The following ERO1A variants were observed in gnomAD, a reference collection of about 807,000 sequenced individuals.
ERO1A encodes the protein endoplasmic reticulum oxidoreductase 1 alpha.
A neutral mutation model predicts 76.9 loss-of-function variants in ERO1A; 49 were observed. That is an observed-to-expected ratio of 0.64 (90% CI 0.51 to 0.81). The LOEUF (loss-of-function observed/expected upper bound fraction) is 0.81, where lower values mean the gene tolerates loss of function less well. Ranked by LOEUF, ERO1A falls within the 30% of genes least tolerant of loss-of-function variation. The pLI, the probability that ERO1A is intolerant of heterozygous loss-of-function variation, is 0.00. For missense variants in ERO1A, 448 were observed against 542.1 expected (o/e 0.83, Z 1.72); for synonymous variants, 174 against 181.2 (o/e 0.96, Z 0.32).
intron 15 of ERO1A, among the ~76,000 whole-genome samples, chr14:52,645,503 G>T (rs2039619241): frequency 6.6e-6 from 1 of 151,384 alleles, no homozygotes; most frequent in Admixed American, 6.6e-5. Flanking sequence ...GGCCAGGCTG[G>T]TCTTGAACTC....
chr14:52,689,723 C>G (rs193269634), intron 1 of ERO1A, among the ~76,000 whole-genome samples: 1 of 152,120 alleles, frequency 6.6e-6, no homozygotes, highest in Admixed American at 6.5e-5. Flanking sequence ...AAGTGTTCTG[C>G]AGATTCAATG....
intron 6 of ERO1A, among the ~76,000 whole-genome samples, chr14:52,667,335 T>TG (rs1310507005): frequency 6.6e-6 from 1 of 152,244 alleles, no homozygotes; most frequent in Admixed American, 6.5e-5. Context: ...AGCCAGAGCA[T>TG]GGGCTCTGGA....
intron 13 of ERO1A, among the ~76,000 whole-genome samples, chr14:52,651,915 C>G (rs1024312876): frequency 6.6e-6 from 1 of 151,948 alleles, no homozygotes; most frequent in African/African-American, 2.4e-5. Flanking sequence ...AACTTTGTAC[C>G]CATGGATCAA....
intron 11 of ERO1A, among the ~76,000 whole-genome samples, chr14:52,657,248 G>A (rs1376319341): frequency 6.6e-6 from 1 of 152,136 alleles, no homozygotes; most frequent in East Asian, 1.9e-4. Context: ...TGCTACTCTG[G>A]GCACACTGCC....
chr14:52,693,244 C>T (rs574787317), intron 1 of ERO1A, among the ~76,000 whole-genome samples: 2 of 152,134 alleles, frequency 1.3e-5, no homozygotes, highest in Admixed American at 1.3e-4. Context: ...GAAAGGCAGA[C>T]CCACCCTTAA....
chr14:52,650,210 C>T lies in ERO1A; in HGVS notation c.1125+2029G>A, dbSNP rs138433717. 2.7e-4 allele frequency among the ~76,000 whole-genome samples: 41 copies of T among 151,814 alleles called. No homozygotes were observed. The East Asian group carries it at 7.0e-3, about 26-fold the overall frequency. On this transcript the variant is annotated intron_variant, in intron 13 of 15. Coordinates refer to ENST00000395686, the MANE Select transcript of ERO1A (RefSeq NM_014584.3). ...CTTCAACTCTGGTGATAAAATAAGACTTTATCTCTTAAAAAAACAAAAATA... is the reference window on the plus strand; with the variant it reads ...CTTCAACTCTGGTGATAAAATAAGATTTTATCTCTTAAAAAAACAAAAATA...
intron 13 of ERO1A, chr14:52,647,142 A>ATTTTTTTTTTTTTTTTT (rs58456682): frequency 3.2e-5 from 2 of 62,204 alleles, no homozygotes; most frequent in African/African-American, 1.3e-4. Flanking sequence ...CGCCCAGCTA[A>ATTTTTTTTTTTTTTTTT]TTTTTTTTTT....
intron 7 of ERO1A, among the ~76,000 whole-genome samples, chr14:52,664,405 T>C (rs918188276): frequency 2.0e-5 from 3 of 152,146 alleles, no homozygotes; most frequent in Non-Finnish European, 4.4e-5. Flanking sequence ...ACTATGTCAT[T>C]AAAGTGCTTT....
chr14:52,650,599 T>C (rs1251569838), intron 13 of ERO1A, among the ~76,000 whole-genome samples: 1 of 152,086 alleles, frequency 6.6e-6, no homozygotes, highest in Non-Finnish European at 1.5e-5. Flanking sequence ...TATATATATG[T>C]ATGTATATAT....
At chr14:52,671,606 T>C in intron 6 of ERO1A, 24 bp downstream of exon 6, 2 of 1,534,364 alleles carry the variant, frequency 1.3e-6, no homozygotes, top group Non-Finnish European at 1.8e-6. Flanking sequence ...TTAAACACAA[T>C]GCATACTATC....
chr14:52,687,631 C>T (rs766380565), intron 1 of ERO1A, among the ~76,000 whole-genome samples: 7 of 152,092 alleles, frequency 4.6e-5, no homozygotes, highest in East Asian at 1.9e-4. Flanking sequence ...TGGAACAATG[C>T]GGGTAAGGGG....
At chr14:52,680,232 T>C (rs1442786252) in intron 3 of ERO1A, among the ~76,000 whole-genome samples, 1 of 152,190 alleles carries the variant, frequency 6.6e-6, no homozygotes, top group Non-Finnish European at 1.5e-5. Flanking sequence ...TTTATAGCAC[T>C]TCAATACATT....
At chr14:52,647,629 T>C (rs982140149) in intron 13 of ERO1A, among the ~76,000 whole-genome samples, 1 of 152,144 alleles carries the variant, frequency 6.6e-6, no homozygotes, top group Admixed American at 6.6e-5. Flanking sequence ...TAGGGCGACA[T>C]GCATCCAGCT....
chr14:52,661,261 C>A, intron 9 of ERO1A, 32 bp downstream of exon 9: 1 of 917,968 alleles, frequency 1.1e-6, no homozygotes. Flanking sequence ...TAAACAAATT[C>A]ATATATGTAA....
At chr14:52,655,931 A>C (rs553616705) in intron 11 of ERO1A, among the ~76,000 whole-genome samples, 1 of 152,330 alleles carries the variant, frequency 6.6e-6, no homozygotes, top group Non-Finnish European at 1.5e-5. Flanking sequence ...TAATGTTTGG[A>C]AGTATATATA....
intron 9 of ERO1A, among the ~76,000 whole-genome samples, chr14:52,661,043 C>T (rs1397942286): frequency 2.6e-5 from 4 of 152,134 alleles, no homozygotes; most frequent in Admixed American, 2.6e-4. Flanking sequence ...GGACATGCTT[C>T]CACATTCAGA....
In ERO1A at chr14:52,679,321, T is replaced by G. The variant is rs74648414; in HGVS notation, c.319-849A>C. ...TCCCCACAATACTGCCAGTTAACAT[T>G]CTAACTCTGATCTAATCGTGGCATT... On this transcript the variant is annotated intron_variant, in intron 3 of 15. Coordinates refer to ENST00000395686, the MANE Select transcript of ERO1A (RefSeq NM_014584.3). Among the ~76,000 whole-genome samples the G allele has an allele frequency of 4.1e-3, 628 of 152,274 alleles. 3 individuals carry two copies. The highest frequency in any genetic ancestry group is 0.014 in the African/African-American group (580 of 41,566).
intron 1 of ERO1A, among the ~76,000 whole-genome samples, chr14:52,684,897 G>C (rs970973401): frequency 4.6e-5 from 7 of 151,466 alleles, no homozygotes; most frequent in Admixed American, 6.6e-5. Context: ...ACTAAAGATT[G>C]CTTTAAGAAA....
chr14:52,651,500 T>C (rs1251474105), intron 13 of ERO1A, among the ~76,000 whole-genome samples: 1 of 128,128 alleles, frequency 7.8e-6, no homozygotes, highest in Admixed American at 7.5e-5. Context: ...TACGGCAATA[T>C]ACAGATATCA....
Sources: gnomAD v4.1 joint callset for allele counts (sites outside exome capture counted in the v4.1 genomes callset) on GRCh38, gnomAD v4.1.1 for gene constraint, MANE v1.5 for transcripts, NCBI Gene and HGNC (gene_info 2026-07-23, HGNC 2026-07-21) for gene names.